PLSCR2: variants seen among roughly 807,000 people sequenced by gnomAD.
PLSCR2 encodes phospholipid scramblase 2, also known as PL scramblase 2.
In PLSCR2, 18 loss-of-function variants were observed where a neutral mutation model predicts 25.3. The observed-to-expected ratio is 0.71, with a 90% CI of 0.49 to 1.06. The LOEUF (loss-of-function observed/expected upper bound fraction) is 1.06. PLSCR2 is among the 50% of genes least tolerant of loss of function. PLSCR2 has a pLI of 0.00. For synonymous variants in PLSCR2, 88 were observed against 87.3 expected, an observed-to-expected ratio of 1.01 and a Z score of -0.04; for missense variants, 243 against 269.5, an observed-to-expected ratio of 0.90 and a Z score of 0.69.
chr3:146,490,039 A>T (rs1265735201), intron 1 of PLSCR2, among the ~76,000 whole-genome samples: 1 of 152,078 alleles, frequency 6.6e-6, no homozygotes, highest in African/African-American at 2.4e-5. Flanking sequence ...TCATCATAAA[A>T]GTCCCAGATC....
At chr3:146,489,550 C>A (rs2043468435) in intron 1 of PLSCR2, among the ~76,000 whole-genome samples, 1 of 152,070 alleles carries the variant, frequency 6.6e-6, no homozygotes, top group Non-Finnish European at 1.5e-5. Context: ...TTCACATTTA[C>A]TAATTTCTCT....
downstream of PLSCR2, among the ~76,000 whole-genome samples, chr3:146,431,197 A>G (rs2039532874): frequency 6.7e-6 from 1 of 150,342 alleles, no homozygotes; most frequent in South Asian, 2.1e-4. Context: ...AATAGTAGAG[A>G]CAATACTCTA....
downstream of PLSCR2, among the ~76,000 whole-genome samples, chr3:146,430,866 A>T (rs1403088806): frequency 6.6e-6 from 1 of 151,426 alleles, no homozygotes; most frequent in Non-Finnish European, 1.5e-5. Flanking sequence ...TGTGCCCAGA[A>T]ATTCCTTCCC....
At chr3:146,435,386 C>A (rs1359937709) in intron 8 of PLSCR2, among the ~76,000 whole-genome samples, 1 of 152,180 alleles carries the variant, frequency 6.6e-6, no homozygotes, top group Non-Finnish European at 1.5e-5. Flanking sequence ...ACAGTCCCAC[C>A]AACAGTGTAA....
At chr3:146,449,122 T>C (rs937871372) in intron 6 of PLSCR2, 84 bp downstream of exon 6, 5 of 995,492 alleles carry the variant, frequency 5.0e-6, no homozygotes, top group African/African-American at 1.6e-5. Context: ...TAAATGGTAA[T>C]CTTAAAATGT....
At chr3:146,458,371 T>C (rs773470276) in intron 3 of PLSCR2, 40 bp downstream of exon 3, 2 of 1,454,318 alleles carry the variant, frequency 1.4e-6, no homozygotes, top group East Asian at 2.5e-5. Context: ...CATAAACTTC[T>C]TCTCTTTTTA....
intron 1 of PLSCR2, among the ~76,000 whole-genome samples, chr3:146,472,954 G>C (rs2042166558): frequency 6.6e-6 from 1 of 152,206 alleles, no homozygotes; most frequent in Admixed American, 6.5e-5. Flanking sequence ...ATGGCAGAGA[G>C]AGAAAGAGCT....
chr3:146,395,320 G>A lies in PLSCR2; in HGVS notation c.*145+440C>T, dbSNP rs141826590. On this transcript the variant is annotated intron_variant and NMD_transcript_variant, in intron 3 of 3. Coordinates refer to the PLSCR2 transcript ENST00000463633. ...ACAAAAGTATATAAGTTGTGAGAAA[G>A]AGATTAGAATTAAAATGTTTTTAAG... 4.2e-3 allele frequency among the ~76,000 whole-genome samples: 636 copies of A among 152,292 alleles called. 3 individuals are homozygous for A. The highest frequency in any genetic ancestry group is 0.015 in the African/African-American group (616 of 41,560).
chr3:146,492,322 A>G (rs1435754522), intron 1 of PLSCR2, among the ~76,000 whole-genome samples: 2 of 152,162 alleles, frequency 1.3e-5, no homozygotes. Context: ...CATCTATAGA[A>G]TAATCCACAC....
intron 6 of PLSCR2, 21 bp downstream of exon 6, chr3:146,449,185 G>A (rs2040742116): frequency 2.5e-6 from 4 of 1,580,936 alleles, no homozygotes; most frequent in Non-Finnish European, 1.7e-6. Context: ...CTGTCACCAA[G>A]ATTAGCAGGA....
rs377470260 is a variant in PLSCR2, at chr3:146,416,102, C to G, written c.101-20181G>C. ...AGTAGTTGGGACTACAGGTGCCCACCACCACGCCTGGCTAATTTTTTGTAT... is the reference window on the plus strand; with the variant it reads ...AGTAGTTGGGACTACAGGTGCCCACGACCACGCCTGGCTAATTTTTTGTAT... On this transcript the variant is annotated intron_variant and NMD_transcript_variant, in intron 2 of 3. Transcript: ENST00000463633. Among the ~76,000 whole-genome samples the G allele has an allele frequency of 7.0e-4, 107 of 152,174 alleles. 2 individuals are homozygous for G. The highest frequency in any genetic ancestry group is 3.7e-3 in the East Asian group (19 of 5,156).
At chr3:146,410,899 C>T (rs111717455) in intron 2 of PLSCR2, among the ~76,000 whole-genome samples, 1,637 of 152,218 alleles carry the variant, frequency 0.011, 31 homozygotes, top group African/African-American at 0.036. Context: ...CAGTATAAAC[C>T]CCCGGCTCAG....
chr3:146,393,129 C>A (rs367939415), intron 3 of PLSCR2, among the ~76,000 whole-genome samples: 4 of 148,320 alleles, frequency 2.7e-5, no homozygotes, highest in African/African-American at 1.0e-4. Flanking sequence ...CCCTGGTTCA[C>A]GCCATTCTCC....
In PLSCR2 at chr3:146,487,553, A is replaced by G. The variant is rs953815720; in HGVS notation, c.-293+8342T>C. On this transcript the variant is annotated intron_variant, in intron 1 of 8. Coordinates refer to the PLSCR2 transcript ENST00000336685. ...TAGACAAGCAGAGAGCCAGATCATG[A>G]ATGAACTCCCATTTACAATTGCTAC... Among the ~76,000 whole-genome samples the G allele has an allele frequency of 3.9e-5, 6 of 152,312 alleles. No individual in the cohort carries two copies. The East Asian group carries it at 1.2e-3, about 29-fold the overall frequency.
chr3:146,483,559 G>A (rs1040336803), intron 1 of PLSCR2, among the ~76,000 whole-genome samples: 2 of 141,912 alleles, frequency 1.4e-5, no homozygotes, highest in East Asian at 2.1e-4. Context: ...AAGATTCCCC[G>A]AGGAAGGAGC....
At chr3:146,479,585 G>A (rs2043057117) in intron 1 of PLSCR2, among the ~76,000 whole-genome samples, 1 of 152,018 alleles carries the variant, frequency 6.6e-6, no homozygotes, top group African/African-American at 2.4e-5. Context: ...CATTCATAAA[G>A]CAAGTCCTTA....
rs113143200 is a variant in PLSCR2, at chr3:146,403,801, A to T, written c.101-7880T>A. Among the ~76,000 whole-genome samples the T allele has an allele frequency of 3.1e-3, 478 of 152,306 alleles. 3 individuals are homozygous for T. The highest frequency in any genetic ancestry group is 5.1e-3 in the Non-Finnish European group (344 of 68,024). ...CAAAGCTGAGGGGCTGGCATCTGGT[A>T]AGGGCCTTCTTACTACATCATGTTA... On this transcript the variant is annotated intron_variant and NMD_transcript_variant, in intron 2 of 3. Coordinates refer to the PLSCR2 transcript ENST00000463633.
intron 2 of PLSCR2, among the ~76,000 whole-genome samples, chr3:146,399,400 T>A (rs928331754): frequency 8.6e-5 from 13 of 151,866 alleles, no homozygotes; most frequent in Admixed American, 6.6e-4. Flanking sequence ...AATTATACTG[T>A]TATGTGTTTA....
chr3:146,454,207 A>G (rs2041067915), intron 4 of PLSCR2, 44 bp from the exon 5 acceptor site: 3 of 1,321,688 alleles, frequency 2.3e-6, no homozygotes, highest in Non-Finnish European at 3.1e-6. Context: ...TCATCATAAT[A>G]AAAATATCTA....
Sources: allele counts gnomAD v4.1 joint callset (sites outside exome capture counted in the v4.1 genomes callset), GRCh38; gene constraint gnomAD v4.1.1; transcripts MANE v1.5; gene names NCBI Gene and HGNC (gene_info 2026-07-23, HGNC 2026-07-21).